U2SURP: variants seen among roughly 807,000 people sequenced by gnomAD.
U2SURP encodes the protein U2 snRNP associated SURP domain containing.
Under a neutral mutation model 144.9 loss-of-function variants are expected in U2SURP, and 9 were observed. The ratio of observed to expected loss-of-function variants is 0.06; its 90% CI spans 0.04 to 0.11. U2SURP has a LOEUF of 0.11. Ranked by LOEUF, U2SURP falls within the 10% of genes least tolerant of loss-of-function variation. The pLI is 1.00. For synonymous variants in U2SURP, 408 were observed against 396.8 expected (o/e 1.03, Z -0.33); for missense variants, 724 against 1,226.7 (o/e 0.59, Z 6.12).
intron 23 of U2SURP, among the ~76,000 whole-genome samples, chr3:143,041,502 A>C (rs1934102015): frequency 6.6e-6 from 1 of 151,988 alleles, no homozygotes; most frequent in Non-Finnish European, 1.5e-5. Context: ...TTAGTAAAAT[A>C]TTTTAGTAAT....
chr3:143,055,942 A>G (rs1048337056), intron 27 of U2SURP, among the ~76,000 whole-genome samples: 2 of 152,190 alleles, frequency 1.3e-5, no homozygotes, highest in Non-Finnish European at 2.9e-5. Flanking sequence ...TCTTAGGTGC[A>G]ACTTTGAACT....
intron 1 of U2SURP, among the ~76,000 whole-genome samples, chr3:143,009,279 G>A (rs1242952383): frequency 6.6e-6 from 1 of 152,062 alleles, no homozygotes; most frequent in Non-Finnish European, 1.5e-5. Context: ...CACAAAAGTT[G>A]GGGACAGAAA....
At chr3:143,001,788 C>T (rs1578098758) in intron 1 of U2SURP, 115 bp downstream of exon 1, 1 of 1,381,406 alleles carries the variant, frequency 7.2e-7, no homozygotes, top group East Asian at 2.5e-5. Flanking sequence ...CTAGTCGCGA[C>T]GGTAGGCCCG....
chr3:143,006,948 A>G (rs1168184698), intron 1 of U2SURP, among the ~76,000 whole-genome samples: 1 of 152,212 alleles, frequency 6.6e-6, no homozygotes, highest in Non-Finnish European at 1.5e-5. Context: ...GCAGAATGGT[A>G]GTGTTGGAGG....
At chr3:143,007,622 T>C (rs1018303428) in intron 1 of U2SURP, among the ~76,000 whole-genome samples, 1 of 152,026 alleles carries the variant, frequency 6.6e-6, no homozygotes, top group Non-Finnish European at 1.5e-5. Context: ...TTTGTATTTT[T>C]AGTAGAGACG....
intron 4 of U2SURP, among the ~76,000 whole-genome samples, chr3:143,015,124 A>G (rs1936301271): frequency 6.6e-6 from 1 of 152,126 alleles, no homozygotes; most frequent in South Asian, 2.1e-4. Flanking sequence ...ATGTTTCCCC[A>G]TAGCACTGCC....
chr3:143,056,309 T>C lies in U2SURP; in HGVS notation c.2952-3T>C. 6.3e-7 allele frequency: 1 copy of C among 1,598,542 alleles called. No individual in the cohort carries two copies. Among genetic ancestry groups the C allele is most frequent in the East Asian group, 2.2e-5 (1 of 44,658 alleles). On this transcript the variant is annotated splice_polypyrimidine_tract_variant and splice_region_variant and intron_variant, in intron 27 of 27. Coordinates refer to ENST00000473835, the MANE Select transcript of U2SURP (RefSeq NM_001080415.2). The stretch of plus-strand genomic sequence containing the variant: ...ATTGGGATTTTTTTGTTTGTTTCCT[T>C]AGATCACCATCTGGTTCAAGGACAC...
At chr3:143,008,979 A>T (rs544285388) in intron 1 of U2SURP, among the ~76,000 whole-genome samples, 15 of 152,204 alleles carry the variant, frequency 9.9e-5, no homozygotes, top group African/African-American at 3.6e-4. Context: ...CCATCTCTTG[A>T]TCCACCCGCC....
intron 25 of U2SURP, among the ~76,000 whole-genome samples, chr3:143,051,579 G>A (rs140367549): frequency 3.0e-4 from 32 of 107,604 alleles, no homozygotes; most frequent in African/African-American, 1.1e-3. Flanking sequence ...GGAACCTCAG[G>A]AATTTTGTTG....
At chr3:143,027,067 C>A (rs1933197075) in intron 13 of U2SURP, 82 bp from the exon 14 acceptor site, 2 of 1,078,998 alleles carry the variant, frequency 1.9e-6, no homozygotes, top group Non-Finnish European at 2.8e-6. Context: ...ATTTTCTGCA[C>A]AATTATAGTA....
intron 16 of U2SURP, among the ~76,000 whole-genome samples, chr3:143,032,197 C>G (rs148683190): frequency 6.6e-6 from 1 of 152,020 alleles, no homozygotes. Flanking sequence ...CTCAGCCTCC[C>G]GAGTAGCTGG....
chr3:143,038,767 A>C, intron 22 of U2SURP, 127 bp from the exon 23 acceptor site: 1 of 606,390 alleles, frequency 1.6e-6, no homozygotes, highest in Non-Finnish European at 2.8e-6. Context: ...TAGAGAATTG[A>C]TAAACATAGA....
rs2108327069 is a variant in U2SURP, at chr3:143,059,986, C to A, written c.*3536C>A. On this transcript the variant is annotated 3_prime_UTR_variant, in exon 28 of 28. Coordinates refer to ENST00000473835, the MANE Select transcript of U2SURP (RefSeq NM_001080415.2). The stretch of plus-strand genomic sequence containing the variant: ...AGATAATATATAAATAAGTACAAAT[C>A]CCAGGGGAAGTGTTGTGATGCTAGA... 1 of 152,456 alleles carries A rather than the reference C, an allele frequency of 6.6e-6. No homozygotes were observed. Among genetic ancestry groups the A allele is most frequent in the African/African-American group, 2.4e-5 (1 of 41,528 alleles). The allele number at this position is 152,456 out of a possible 1,614,324, so 9.4% of individuals were successfully genotyped here. A position where few individuals can be genotyped will look rare whatever the true frequency, so the allele number is the denominator to read the frequency against.
At chr3:143,024,386 T>C (rs1009771932) in intron 13 of U2SURP, 5 of 369,952 alleles carry the variant, frequency 1.4e-5, no homozygotes, top group Non-Finnish European at 2.6e-5. Context: ...TATTTTTTTC[T>C]TGTTTTCTGA....
In U2SURP at chr3:143,057,717, T is replaced by C. The variant is rs1046304768; in HGVS notation, c.*1267T>C. On this transcript the variant is annotated 3_prime_UTR_variant, in exon 28 of 28. Transcript: ENST00000473835. ...GCACTTCATACACTGGTTTGATGGG[T>C]TTTTTTTTTCCTCCCTAAAAGAGAA... 1 of 148,856 alleles carries C rather than the reference T, an allele frequency of 6.7e-6. No individual in the cohort carries two copies. Among genetic ancestry groups the C allele is most frequent in the African/African-American group, 2.5e-5 (1 of 40,354 alleles). 9.2% of individuals were successfully genotyped at this position (148,856 alleles called of 1,614,324 possible).
Position 143,053,760 on chromosome 3 carries a change from G to C in U2SURP, c.2740G>C (p.Glu914Gln), listed in dbSNP as rs777265789. 12 of 1,607,588 alleles carry C rather than the reference G, an allele frequency of 7.5e-6. No individual in the cohort carries two copies. Residue 914 changes from glutamate to glutamine, a missense_variant, in exon 26 of 28, where the codon GAA becomes CAA. Around this residue, in one of 13 missense-constraint regions of U2SURP, gnomAD observed 129 missense variants for 196.1 expected, o/e 0.66. Transcript: ENST00000473835. Reference protein sequence around the residue: ...KLESRSKDKKEKDECTPTRKE... With the variant: ...KLESRSKDKKQKDECTPTRKE... Reference sequence around the variant, plus strand: ...GGAATCTCGCTCCAAAGACAAGAAGGAAAAAGATGAGTGTACTCCGACAAG... The same window carrying C: ...GGAATCTCGCTCCAAAGACAAGAAGCAAAAAGATGAGTGTACTCCGACAAG...
chr3:143,050,490 C>CTGTG (rs943008535), intron 24 of U2SURP, among the ~76,000 whole-genome samples: 2 of 152,194 alleles, frequency 1.3e-5, no homozygotes, highest in African/African-American at 4.8e-5. Context: ...AACCTTCAGA[C>CTGTG]TGTGTGCAGC....
At position 143,016,329 on chromosome 3, in the gene U2SURP, G is replaced by A. The variant is rs774045040; in HGVS notation, c.394G>A (p.Val132Met). Reference protein sequence around the residue: ...AAFEGSDGNKVKTFVRGGVVN... With the variant: ...AAFEGSDGNKMKTFVRGGVVN... ...TTTTGAAGGAAGTGATGGTAATAAA[G>A]TGAAAACATTTGTGCGAGGGGGTGT... Residue 132 changes from valine (V) to methionine (M), a missense_variant, in exon 5 of 28, where the codon GTG becomes ATG. Around this residue, in one of 13 missense-constraint regions of U2SURP, gnomAD observed 115 missense variants for 258.1 expected, o/e 0.45. Transcript: ENST00000473835. 2 of 1,613,176 alleles carry A rather than the reference G, an allele frequency of 1.2e-6. No individual in the cohort carries two copies. Among genetic ancestry groups the A allele is most frequent in the South Asian group, 1.1e-5 (1 of 91,060 alleles).
chr3:143,050,992 A>G lies in U2SURP; in HGVS notation c.2598A>G (p.Lys866=). The change falls in exon 25 of 28, where the codon AAA becomes AAG. Residue 866 remains lysine (K), a synonymous_variant. Transcript: ENST00000473835. Reference sequence around the variant, plus strand: ...TGGAATCTGGGAAAAGACCTAAAAAACCAGGCCAGAGTTTTCAGGAGCAAG... The same window carrying G: ...TGGAATCTGGGAAAAGACCTAAAAAGCCAGGCCAGAGTTTTCAGGAGCAAG... ...DELESGKRPK[K]PGQSFQEQVE... is the part of the protein sequence containing the mutation. 1 of 1,613,408 alleles carries G rather than the reference A, an allele frequency of 6.2e-7. No individual in the cohort carries two copies. Among genetic ancestry groups the G allele is most frequent in the Non-Finnish European group, 8.5e-7 (1 of 1,179,628 alleles).
Sources: gnomAD v4.1 joint callset for allele counts (sites outside exome capture counted in the v4.1 genomes callset) on GRCh38, gnomAD v4.1.1 for gene constraint, gnomAD v4.1.1 regional missense constraint, MANE v1.5 for transcripts, NCBI Gene and HGNC (gene_info 2026-07-23, HGNC 2026-07-21) for gene names.